The following METTL15 variants were observed in gnomAD, a reference collection of about 807,000 sequenced individuals.
METTL15 encodes the protein methyltransferase 15, mitochondrial 12S rRNA N4-cytidine, also known as 12S rRNA N(4)-cytidine methyltransferase METTL15.
In METTL15, 34 loss-of-function variants were observed where a neutral mutation model predicts 38.3. That is an observed-to-expected ratio of 0.89 (90% CI 0.68 to 1.18). The LOEUF is 1.18. Among genes scored for constraint, METTL15 ranks in the 50% most tolerant of loss-of-function variants. The pLI is 0.00. For synonymous variants in METTL15, 162 were observed against 170.9 expected, an observed-to-expected ratio of 0.95 and a Z score of 0.41; for missense variants, 438 against 498.4, an observed-to-expected ratio of 0.88 and a Z score of 1.15.
chr11:28,237,965 T>G (rs1304443155), intron 4 of METTL15, among the ~76,000 whole-genome samples: 1 of 152,042 alleles, frequency 6.6e-6, no homozygotes, highest in Non-Finnish European at 1.5e-5. Flanking sequence ...CCTCTGGAAG[T>G]TTTTTCTCAG....
chr11:28,465,783 T>G (rs1290038619), intron 6 of METTL15, among the ~76,000 whole-genome samples: 3 of 152,142 alleles, frequency 2.0e-5, no homozygotes, highest in African/African-American at 7.2e-5. Context: ...TTCTTTGTTG[T>G]GGGGGCGCTC....
intron 5 of METTL15, among the ~76,000 whole-genome samples, chr11:28,412,081 G>A (rs536869269): frequency 6.6e-6 from 1 of 152,084 alleles, no homozygotes; most frequent in South Asian, 2.1e-4. Flanking sequence ...TTATCAAAAA[G>A]ATTAGGGATA....
chr11:28,338,306 C>T (rs1438418444), downstream of METTL15, among the ~76,000 whole-genome samples: 1 of 152,064 alleles, frequency 6.6e-6, no homozygotes, highest in Non-Finnish European at 1.5e-5. Flanking sequence ...TCCAACTCCT[C>T]ATCAATTTTT....
Position 28,380,085 on chromosome 11 carries a change from A to C in METTL15, c.*358+18049A>C, listed in dbSNP as rs990587758. ...TGTTCCCACTCTTCATTTTTAGTCT[A>C]TGTGTATCTTTATAAGTGAAATGAG... On this transcript the variant is annotated intron_variant and NMD_transcript_variant, in intron 5 of 7. Coordinates refer to the METTL15 transcript ENST00000532947. 2.0e-5 allele frequency among the ~76,000 whole-genome samples: 3 copies of C among 150,574 alleles called. No individual in the cohort carries two copies. The South Asian group carries it at 6.3e-4, about 32-fold the overall frequency.
At chr11:28,487,636 A>T (rs1177973498) in intron 6 of METTL15, among the ~76,000 whole-genome samples, 4 of 152,138 alleles carry the variant, frequency 2.6e-5, no homozygotes, top group African/African-American at 9.6e-5. Context: ...TAAACTTTTT[A>T]AAATTTTTTA....
At chr11:28,323,666 T>G (rs565117169) in intron 6 of METTL15, among the ~76,000 whole-genome samples, 2 of 152,148 alleles carry the variant, frequency 1.3e-5, no homozygotes, top group Non-Finnish European at 2.9e-5. Context: ...CTGGTGGATG[T>G]GTGGAAAAGA....
At position 28,288,619 on chromosome 11, in the gene METTL15, A is replaced by G. The variant is rs56754778; in HGVS notation, c.408-1587A>G. Among the ~76,000 whole-genome samples, 2,085 of 152,238 alleles carry G rather than the reference A, an allele frequency of 0.014. 280 individuals are homozygous for G. In the East Asian group the frequency reaches 0.32, roughly 24 times the overall value. On this transcript the variant is annotated intron_variant, in intron 4 of 6. Coordinates refer to ENST00000407364, the MANE Select transcript of METTL15 (RefSeq NM_001113528.2). ...TAAGTGAGAACTAAATGATGACCAC[A>G]CATGGACACATAGAGGGGAACAACA...
intron 4 of METTL15, among the ~76,000 whole-genome samples, chr11:28,264,211 G>A (rs1189270900): frequency 2.0e-5 from 3 of 151,986 alleles, no homozygotes; most frequent in Admixed American, 1.3e-4. Context: ...TAATATTTTG[G>A]ATAGAATCAC....
intron 6 of METTL15, among the ~76,000 whole-genome samples, chr11:28,481,882 T>G (rs1851398179): frequency 6.6e-6 from 1 of 152,208 alleles, no homozygotes; most frequent in African/African-American, 2.4e-5. Context: ...CTCCTGATTT[T>G]TGACACTTGT....
In METTL15 at chr11:28,297,009, G is replaced by A. The variant is rs975410336; in HGVS notation, c.778+78G>A. ...TGTGCATGTGTTTGTGTGCATGCACGCATGCACATGTGTGTGTGCATTAAT... is the reference window on the plus strand; with the variant it reads ...TGTGCATGTGTTTGTGTGCATGCACACATGCACATGTGTGTGTGCATTAAT... On this transcript the variant is annotated intron_variant, in intron 6 of 6. Transcript: ENST00000407364. The A allele has an allele frequency of 1.4e-5, 19 of 1,394,628 alleles. 1 individual carries two copies. Among genetic ancestry groups the A allele is most frequent in the South Asian group, 1.1e-4 (9 of 82,160 alleles). The allele number at this position is 1,394,628 out of a possible 1,614,324, so 86.4% of individuals were successfully genotyped here.
chr11:28,167,385 G>C (rs1050820459), intron 3 of METTL15, among the ~76,000 whole-genome samples: 4 of 152,078 alleles, frequency 2.6e-5, no homozygotes, highest in African/African-American at 9.7e-5. Flanking sequence ...ACACAACCAG[G>C]GTCGTGCCAC....
chr11:28,474,926 A>T (rs190141810), intron 6 of METTL15, among the ~76,000 whole-genome samples: 74 of 152,348 alleles, frequency 4.9e-4, no homozygotes, highest in Non-Finnish European at 6.6e-4. Flanking sequence ...TGTTTAACAC[A>T]TGGAGGCCAT....
chr11:28,525,473 C>T (rs1173517438), intron 6 of METTL15, among the ~76,000 whole-genome samples: 1 of 152,076 alleles, frequency 6.6e-6, no homozygotes, highest in Non-Finnish European at 1.5e-5. Flanking sequence ...CAACCTTGAG[C>T]TAGAAACAGA....
chr11:28,227,242 G>C (rs1443983062), intron 4 of METTL15, among the ~76,000 whole-genome samples: 1 of 151,768 alleles, frequency 6.6e-6, no homozygotes, highest in Non-Finnish European at 1.5e-5. Context: ...GAGGGATTAA[G>C]ACCTATAGTC....
At chr11:28,206,323 T>A (rs903833237) in intron 3 of METTL15, among the ~76,000 whole-genome samples, 1 of 152,152 alleles carries the variant, frequency 6.6e-6, no homozygotes, top group Non-Finnish European at 1.5e-5. Context: ...GCTTTCTGCA[T>A]GTGGCTAGCC....
chr11:28,250,891 T>G (rs1245451890), intron 4 of METTL15, among the ~76,000 whole-genome samples: 1 of 152,032 alleles, frequency 6.6e-6, no homozygotes, highest in South Asian at 2.1e-4. Flanking sequence ...GAGCCCTTTT[T>G]TTCCCCTATT....
chr11:28,326,754 T>A (rs1849647108), intron 6 of METTL15, among the ~76,000 whole-genome samples: 1 of 151,758 alleles, frequency 6.6e-6, no homozygotes. Flanking sequence ...AATTGTAGGA[T>A]TTTTTTGTTT....
intron 4 of METTL15, among the ~76,000 whole-genome samples, chr11:28,259,368 C>G (rs1855104720): frequency 4.6e-5 from 7 of 152,050 alleles, no homozygotes; most frequent in Admixed American, 4.6e-4. Flanking sequence ...CCAGCAGTCC[C>G]TTAGCCGCCC....
chr11:28,307,955 C>A (rs1300575387), intron 6 of METTL15, among the ~76,000 whole-genome samples: 1 of 151,972 alleles, frequency 6.6e-6, no homozygotes, highest in Non-Finnish European at 1.5e-5. Flanking sequence ...TTTAAGATAT[C>A]TTCGATGAAG....
Sources: allele counts gnomAD v4.1 joint callset (sites outside exome capture counted in the v4.1 genomes callset), GRCh38; gene constraint gnomAD v4.1.1; transcripts MANE v1.5; gene names NCBI Gene and HGNC (gene_info 2026-07-23, HGNC 2026-07-21).